The following RASGRF2 variants were observed in gnomAD, a reference collection of about 807,000 sequenced individuals.
RASGRF2 encodes ras-specific guanine nucleotide-releasing factor 2.
Under a neutral mutation model 151.0 loss-of-function variants are expected in RASGRF2, and 76 were observed. The ratio of observed to expected loss-of-function variants is 0.50; its 90% CI spans 0.42 to 0.61. The LOEUF (loss-of-function observed/expected upper bound fraction) is 0.61. Among genes scored for constraint, RASGRF2 ranks in the 20% least tolerant of loss-of-function variants. The pLI, the probability that RASGRF2 is intolerant of heterozygous loss-of-function variation, is 0.00. For missense variants in RASGRF2, 1,148 were observed against 1,564.6 expected (o/e 0.73, Z 4.49); for synonymous variants, 504 against 566.5 (o/e 0.89, Z 1.57).
chr5:81,153,440 A>G (rs987177365), intron 17 of RASGRF2, among the ~76,000 whole-genome samples: 7 of 152,114 alleles, frequency 4.6e-5, no homozygotes, highest in African/African-American at 1.7e-4. Flanking sequence ...GGAGGATGCC[A>G]TGAGCCAAGG....
chr5:81,059,243 G>A (rs1407439172), intron 2 of RASGRF2, among the ~76,000 whole-genome samples: 1 of 151,798 alleles, frequency 6.6e-6, no homozygotes, highest in Non-Finnish European at 1.5e-5. Context: ...AATTAGCCGG[G>A]CCTGGTGGCA....
chr5:81,165,386 C>T (rs911873531), intron 17 of RASGRF2, among the ~76,000 whole-genome samples: 22 of 152,132 alleles, frequency 1.4e-4, no homozygotes, highest in African/African-American at 5.3e-4. Flanking sequence ...AACAGTTGGA[C>T]CGAGTCCCTA....
chr5:81,061,807 C>T (rs1218611449), intron 2 of RASGRF2, among the ~76,000 whole-genome samples: 2 of 151,708 alleles, frequency 1.3e-5, no homozygotes, highest in African/African-American at 4.8e-5. Flanking sequence ...CCGCCTTGGC[C>T]CCCCAAGTAG....
intron 2 of RASGRF2, among the ~76,000 whole-genome samples, chr5:81,053,745 A>G (rs192866717): frequency 0.12 from 18,107 of 152,116 alleles, 1,388 homozygotes; most frequent in Non-Finnish European, 0.17. Context: ...CCCACCAACA[A>G]TGTAAAAGTG....
chr5:81,110,532 T>G (rs1426501369), intron 13 of RASGRF2, among the ~76,000 whole-genome samples: 1 of 152,248 alleles, frequency 6.6e-6, no homozygotes, highest in African/African-American at 2.4e-5. Context: ...TCCTAGTGTT[T>G]CAAATAAGCT....
intron 12 of RASGRF2, among the ~76,000 whole-genome samples, chr5:81,095,437 A>C (rs1752520538): frequency 6.6e-6 from 1 of 152,184 alleles, no homozygotes; most frequent in Non-Finnish European, 1.5e-5. Flanking sequence ...CTCTAGTATG[A>C]AACCTGAAAA....
chr5:81,042,955 G>T lies in RASGRF2; in HGVS notation c.367G>T (p.Glu123Ter). Residue 123 changes from glutamate (E) to a stop codon, truncating the protein, a stop_gained, in exon 2 of 27, where the codon GAG becomes TAG. Coordinates refer to ENST00000265080, the MANE Select transcript of RASGRF2 (RefSeq NM_006909.3). LOFTEE classifies it high-confidence loss of function. ...CTGTGAGGAGGAGCAGGATGGTAAA[G>T]AGTGGATGGAGGCCATTCACCAAGC... ...LRCEEEQDGK[E>*]WMEAIHQASY... 1 of 1,612,512 alleles carries T rather than the reference G, an allele frequency of 6.2e-7. No individual in the cohort carries two copies.
At chr5:81,179,363 C>A (rs889164403) in intron 17 of RASGRF2, among the ~76,000 whole-genome samples, 2 of 152,072 alleles carry the variant, frequency 1.3e-5, no homozygotes, top group Non-Finnish European at 2.9e-5. Context: ...GAGGTAGGTA[C>A]GCTTATTATC....
chr5:81,140,120 T>A (rs963186374), intron 17 of RASGRF2, among the ~76,000 whole-genome samples: 3 of 152,172 alleles, frequency 2.0e-5, no homozygotes, highest in African/African-American at 7.2e-5. Flanking sequence ...TTAGCCACTG[T>A]GCCTGGCTGG....
At chr5:80,980,850 G>A (rs1179436061) in intron 1 of RASGRF2, among the ~76,000 whole-genome samples, 1 of 152,150 alleles carries the variant, frequency 6.6e-6, no homozygotes, top group Non-Finnish European at 1.5e-5. Context: ...TTGAGGAGGG[G>A]AAGACAGCCT....
At chr5:80,982,586 T>TTATTATTATTAG (rs1748338567) in intron 1 of RASGRF2, among the ~76,000 whole-genome samples, 1 of 140,730 alleles carries the variant, frequency 7.1e-6, no homozygotes. Context: ...GGTTCTATTA[T>TTATTATTATTAG]TATTATTATT....
At chr5:81,012,708 T>C (rs1009017340) in intron 1 of RASGRF2, among the ~76,000 whole-genome samples, 3 of 152,046 alleles carry the variant, frequency 2.0e-5, no homozygotes, top group African/African-American at 7.2e-5. Flanking sequence ...CTCCATAGCA[T>C]CCACCACTGT....
At position 81,226,297 on chromosome 5, in the gene RASGRF2, A is replaced by G. The variant is rs563891917; in HGVS notation, c.*527A>G. ...AGCAATTTCAGTCTACAGCATGTGC[A>G]TGGTTGTCAGTGCATTCTAAATATT... is the stretch of plus-strand genomic sequence containing the variant. On this transcript the variant is annotated 3_prime_UTR_variant, in exon 27 of 27. Transcript: ENST00000265080. The G allele has an allele frequency of 3.3e-5, 5 of 152,570 alleles. No individual in the cohort carries two copies. In the East Asian group the frequency reaches 9.6e-4, roughly 29 times the overall value. 9.5% of individuals were successfully genotyped at this position (152,570 alleles called of 1,614,324 possible). A position where few individuals can be genotyped will look rare whatever the true frequency, so the allele number is the denominator to read the frequency against.
At chr5:81,158,166 A>G (rs1335346874) in intron 17 of RASGRF2, among the ~76,000 whole-genome samples, 3 of 152,222 alleles carry the variant, frequency 2.0e-5, no homozygotes, top group Non-Finnish European at 4.4e-5. Flanking sequence ...AGTATTAGCA[A>G]AAAGATAGTC....
chr5:81,205,078 G>A (rs1755475237), intron 19 of RASGRF2, among the ~76,000 whole-genome samples: 1 of 152,332 alleles, frequency 6.6e-6, no homozygotes, highest in South Asian at 2.1e-4. Flanking sequence ...AATTTAATAG[G>A]CTTTGGAGAA....
chr5:81,192,021 C>T (rs1755162797), intron 18 of RASGRF2, among the ~76,000 whole-genome samples: 1 of 152,214 alleles, frequency 6.6e-6, no homozygotes, highest in Admixed American at 6.5e-5. Context: ...TTCACATCTG[C>T]TAAACTAATT....
At chr5:81,085,568 T>C (rs1752204669) in intron 7 of RASGRF2, among the ~76,000 whole-genome samples, 1 of 152,248 alleles carries the variant, frequency 6.6e-6, no homozygotes, top group African/African-American at 2.4e-5. Flanking sequence ...CTTTGTACCA[T>C]AACACTTCAA....
chr5:81,171,672 T>G (rs924540835), intron 17 of RASGRF2, among the ~76,000 whole-genome samples: 12 of 151,988 alleles, frequency 7.9e-5, no homozygotes, highest in Non-Finnish European at 1.8e-4. Context: ...TGACCTGGAG[T>G]ATTATATTTC....
chr5:81,029,514 G>A (rs1750160961), intron 1 of RASGRF2, among the ~76,000 whole-genome samples: 1 of 152,186 alleles, frequency 6.6e-6, no homozygotes, highest in East Asian at 1.9e-4. Flanking sequence ...TGCAGCCTCC[G>A]CTGGTGATAC....
Sources: allele counts gnomAD v4.1 joint callset (sites outside exome capture counted in the v4.1 genomes callset), GRCh38; gene constraint gnomAD v4.1.1; transcripts MANE v1.5; gene names NCBI Gene and HGNC (gene_info 2026-07-23, HGNC 2026-07-21).